Variants in SCHIP1 observed in about 807,000 individuals in gnomAD.
The protein encoded by SCHIP1 is schwannomin interacting protein 1.
A neutral mutation model predicts 29.7 loss-of-function variants in SCHIP1; 8 were observed. That is an observed-to-expected ratio of 0.27 (90% CI 0.16 to 0.49). The LOEUF (loss-of-function observed/expected upper bound fraction) is 0.49, where lower values mean the gene tolerates loss of function less well. SCHIP1 is among the 20% of genes least tolerant of loss of function. The pLI is 0.99. For missense variants in SCHIP1, 193 were observed against 294.6 expected, an observed-to-expected ratio of 0.66 and a Z score of 2.52; for synonymous variants, 76 against 94.9, an observed-to-expected ratio of 0.80 and a Z score of 1.16.
At chr3:159,490,168 G>T in the SCHIP1 span, among the ~76,000 whole-genome samples, 1 of 152,136 alleles carries the variant, frequency 6.6e-6, no homozygotes, top group Non-Finnish European at 1.5e-5. Context: ...TATAGAATGT[G>T]AAATGATCAA....
the SCHIP1 span, among the ~76,000 whole-genome samples, chr3:159,344,519 A>C: frequency 2.0e-5 from 3 of 152,160 alleles, no homozygotes; most frequent in Admixed American, 6.5e-5. Flanking sequence ...ATGTCTGTTG[A>C]TCTTTCTCCC....
chr3:159,675,994 G>A, the SCHIP1 span, among the ~76,000 whole-genome samples: 1 of 152,138 alleles, frequency 6.6e-6, no homozygotes, highest in South Asian at 2.1e-4. Context: ...AGCCAGGCGT[G>A]GTGGCAGGTG....
the SCHIP1 span, among the ~76,000 whole-genome samples, chr3:159,646,058 A>C: frequency 6.6e-6 from 1 of 152,166 alleles, no homozygotes; most frequent in Non-Finnish European, 1.5e-5. Context: ...TTAGTCAGAA[A>C]GTGGGCAAAG....
At chr3:159,611,495 C>G in the SCHIP1 span, among the ~76,000 whole-genome samples, 2 of 125,796 alleles carry the variant, frequency 1.6e-5, no homozygotes, top group South Asian at 5.1e-4. Flanking sequence ...CACATGGACA[C>G]AGAGAGGGCA....
At chr3:159,365,434 T>G in the SCHIP1 span, among the ~76,000 whole-genome samples, 6 of 152,172 alleles carry the variant, frequency 3.9e-5, no homozygotes, top group Admixed American at 1.3e-4. Flanking sequence ...TCTATTACTC[T>G]TTATCCCTTT....
chr3:159,542,092 G>A, the SCHIP1 span, among the ~76,000 whole-genome samples: 9 of 151,930 alleles, frequency 5.9e-5, no homozygotes, highest in African/African-American at 1.7e-4. Flanking sequence ...ATGAAAACAC[G>A]GTGTATCAAA....
At chr3:159,414,014 T>A in the SCHIP1 span, among the ~76,000 whole-genome samples, 9 of 152,248 alleles carry the variant, frequency 5.9e-5, no homozygotes, top group East Asian at 1.5e-3. Flanking sequence ...TTACTCTTTC[T>A]GAAGAGCAAT....
the SCHIP1 span, among the ~76,000 whole-genome samples, chr3:159,279,986 T>C: frequency 1.3e-5 from 2 of 152,300 alleles, no homozygotes; most frequent in South Asian, 4.1e-4. Flanking sequence ...TGCCATTGAC[T>C]GGTTTAGATC....
chr3:159,484,646 A>G, the SCHIP1 span, among the ~76,000 whole-genome samples: 2 of 152,196 alleles, frequency 1.3e-5, no homozygotes, highest in Non-Finnish European at 2.9e-5. Context: ...GAGAAACTCT[A>G]TTTAAATATC....
chr3:159,380,786 T>C, the SCHIP1 span, among the ~76,000 whole-genome samples: 2 of 152,140 alleles, frequency 1.3e-5, no homozygotes, highest in African/African-American at 4.8e-5. Flanking sequence ...CAGTGCCACA[T>C]AGCTAGTAAT....
the SCHIP1 span, among the ~76,000 whole-genome samples, chr3:159,686,566 A>G: frequency 3.3e-5 from 5 of 152,242 alleles, no homozygotes; most frequent in East Asian, 1.9e-4. Context: ...TTGAATAAAA[A>G]TGTTTATTAT....
the SCHIP1 span, among the ~76,000 whole-genome samples, chr3:159,591,998 A>AG: frequency 1.4e-5 from 2 of 139,176 alleles, no homozygotes; most frequent in African/African-American, 6.9e-5. Flanking sequence ...TCAAAAAAAA[A>AG]AAAAGAAAGA....
chr3:159,797,298 C>T, the SCHIP1 span, among the ~76,000 whole-genome samples: 3 of 152,160 alleles, frequency 2.0e-5, no homozygotes, highest in Non-Finnish European at 4.4e-5. Context: ...GGAGCTTATA[C>T]AGTCACTTGT....
chr3:159,549,084 CTT>C, the SCHIP1 span, among the ~76,000 whole-genome samples: 2 of 152,258 alleles, frequency 1.3e-5, no homozygotes, highest in Non-Finnish European at 2.9e-5. Context: ...AACTCTATCT[CTT>C]GAGTGGCAGA....
the SCHIP1 span, among the ~76,000 whole-genome samples, chr3:159,591,421 T>C: frequency 5.3e-5 from 8 of 152,182 alleles, no homozygotes; most frequent in Admixed American, 5.2e-4. Flanking sequence ...TTACTGGGTA[T>C]ATAACCAAAG....
the SCHIP1 span, among the ~76,000 whole-genome samples, chr3:159,398,623 G>T: frequency 6.6e-6 from 1 of 152,090 alleles, no homozygotes; most frequent in African/African-American, 2.4e-5. Context: ...TGATCTCAGA[G>T]GTCATAGAAA....
chr3:159,787,113 A>G, the SCHIP1 span, among the ~76,000 whole-genome samples: 1 of 152,204 alleles, frequency 6.6e-6, no homozygotes, highest in African/African-American at 2.4e-5. Context: ...TTTAGTAAAA[A>G]GATGAGAACA....
At chr3:159,638,446 G>A in the SCHIP1 span, among the ~76,000 whole-genome samples, 1 of 152,084 alleles carries the variant, frequency 6.6e-6, no homozygotes, top group Non-Finnish European at 1.5e-5. Flanking sequence ...GAGCACATTA[G>A]ACCAATGCTC....
chr3:159,510,597 T>C, the SCHIP1 span, among the ~76,000 whole-genome samples: 8 of 152,286 alleles, frequency 5.3e-5, no homozygotes, highest in East Asian at 1.5e-3. Flanking sequence ...ATCTTTGTGG[T>C]TTTATCTACC....
Sources: allele counts gnomAD v4.1 joint callset (sites outside exome capture counted in the v4.1 genomes callset), GRCh38; gene constraint gnomAD v4.1.1; transcripts MANE v1.5; gene names NCBI Gene and HGNC (gene_info 2026-07-23, HGNC 2026-07-21).